NRXN3: variants seen among roughly 807,000 people sequenced by gnomAD.
NRXN3 encodes neurexin 3.
Under a neutral mutation model 137.6 loss-of-function variants are expected in NRXN3, and 32 were observed. The ratio of observed to expected loss-of-function variants is 0.23; its 90% CI spans 0.18 to 0.31. The LOEUF (loss-of-function observed/expected upper bound fraction) is 0.31. Ranked by LOEUF, NRXN3 falls within the 10% of genes least tolerant of loss-of-function variation. NRXN3 has a pLI of 1.00. For synonymous variants in NRXN3, 798 were observed against 784.5 expected (o/e 1.02, Z -0.29); for missense variants, 1,574 against 2,062.5 (o/e 0.76, Z 4.59).
chr14:78,779,844 T>C (rs932962935), intron 8 of NRXN3, among the ~76,000 whole-genome samples: 3 of 152,244 alleles, frequency 2.0e-5, no homozygotes, highest in African/African-American at 7.2e-5. Context: ...ACCATATTTA[T>C]GTATGGGTAG....
At chr14:79,405,628 G>T (rs937012055) in intron 15 of NRXN3, among the ~76,000 whole-genome samples, 1 of 152,136 alleles carries the variant, frequency 6.6e-6, no homozygotes, top group Non-Finnish European at 1.5e-5. Flanking sequence ...GAGGTTTATT[G>T]TTGAGGAAAA....
intron 17 of NRXN3, among the ~76,000 whole-genome samples, chr14:79,676,358 C>T (rs753279321): frequency 7.9e-5 from 12 of 152,022 alleles, no homozygotes; most frequent in East Asian, 3.9e-4. Context: ...TTCCCCACCA[C>T]GCCTGGTACC....
chr14:79,257,343 CTGGTGGTGGTGG>C (rs577147425), intron 15 of NRXN3, among the ~76,000 whole-genome samples: 1 of 12,704 alleles, frequency 7.9e-5, no homozygotes, highest in African/African-American at 3.3e-4. Context: ...TGTCTTATTC[CTGGTGGTGGTGG>C]TGGTGGTGGT....
chr14:78,553,059 T>A (rs924102593), intron 4 of NRXN3, among the ~76,000 whole-genome samples: 1 of 152,264 alleles, frequency 6.6e-6, no homozygotes, highest in Non-Finnish European at 1.5e-5. Context: ...CTATTTTAAT[T>A]AATCATCATA....
intron 15 of NRXN3, among the ~76,000 whole-genome samples, chr14:79,305,098 T>C (rs2085820639): frequency 6.6e-6 from 1 of 152,088 alleles, no homozygotes; most frequent in Admixed American, 6.6e-5. Context: ...TTTCTTTTTC[T>C]AGTCTCTTTG....
intron 19 of NRXN3, among the ~76,000 whole-genome samples, chr14:79,719,847 A>G (rs1289530329): frequency 2.0e-5 from 3 of 152,060 alleles, no homozygotes; most frequent in Non-Finnish European, 4.4e-5. Flanking sequence ...TGAAGATAAT[A>G]TGATCATTTC....
In NRXN3 at chr14:79,411,033, C is replaced by A. The variant is rs964510419; in HGVS notation, c.3263-56188C>A. ...CTATTAAGTGGCATGGTTCTCTAAC[C>A]CCATAGTTCATTCTCTTTTTCTGTG... On this transcript the variant is annotated intron_variant, in intron 15 of 20. Transcript: ENST00000335750. 2.6e-5 allele frequency among the ~76,000 whole-genome samples: 4 copies of A among 152,120 alleles called. 1 individual carries two copies. The South Asian group carries it at 8.3e-4, about 32-fold the overall frequency.
chr14:79,025,837 A>T (rs1410087885), intron 15 of NRXN3, among the ~76,000 whole-genome samples: 4 of 152,166 alleles, frequency 2.6e-5, no homozygotes, highest in Non-Finnish European at 4.4e-5. Flanking sequence ...TATGCTCGCC[A>T]GGGTGAGGCA....
intron 15 of NRXN3, among the ~76,000 whole-genome samples, chr14:79,272,913 C>T (rs370676832): frequency 5.4e-4 from 82 of 152,308 alleles, no homozygotes; most frequent in Admixed American, 1.8e-3. Flanking sequence ...TGGCTCACGC[C>T]TGTAATCCCA....
At chr14:78,922,396 A>G (rs1437844700) in intron 10 of NRXN3, among the ~76,000 whole-genome samples, 1 of 152,200 alleles carries the variant, frequency 6.6e-6, no homozygotes. Flanking sequence ...TAGTTTCTAA[A>G]ATATCTTTTC....
intron 3 of NRXN3, among the ~76,000 whole-genome samples, chr14:78,289,442 A>T (rs908729780): frequency 2.0e-5 from 3 of 152,170 alleles, no homozygotes; most frequent in Admixed American, 6.5e-5. Context: ...GATCATCAGA[A>T]TTCATAGAGG....
intron 6 of NRXN3, among the ~76,000 whole-genome samples, chr14:78,666,728 C>T (rs979255590): frequency 1.1e-4 from 16 of 152,142 alleles, no homozygotes; most frequent in African/African-American, 3.1e-4. Context: ...CATAGTACTT[C>T]GCCTATCATG....
chr14:78,844,257 T>C (rs992804695), intron 10 of NRXN3, among the ~76,000 whole-genome samples: 2 of 152,160 alleles, frequency 1.3e-5, no homozygotes, highest in African/African-American at 4.8e-5. Flanking sequence ...ATTTAGAACA[T>C]GCGTGGCTAA....
intron 4 of NRXN3, chr14:78,300,715 AT>A: frequency 6.8e-7 from 1 of 1,475,406 alleles, no homozygotes; most frequent in Non-Finnish European, 9.2e-7. Flanking sequence ...TATTTTTATC[AT>A]TATAACTATC....
intron 16 of NRXN3, among the ~76,000 whole-genome samples, chr14:79,542,688 G>C (rs1288851383): frequency 1.3e-5 from 2 of 152,042 alleles, no homozygotes; most frequent in African/African-American, 4.8e-5. Flanking sequence ...TATTAGAGGT[G>C]AGTCAAATGT....
At chr14:78,555,749 C>T (rs2096731429) in intron 4 of NRXN3, among the ~76,000 whole-genome samples, 1 of 152,146 alleles carries the variant, frequency 6.6e-6, no homozygotes, top group Non-Finnish European at 1.5e-5. Context: ...ACAGTAAGGG[C>T]TGGCAGTGGA....
At chr14:79,619,042 T>C (rs1194016432) in intron 16 of NRXN3, among the ~76,000 whole-genome samples, 1 of 152,168 alleles carries the variant, frequency 6.6e-6, no homozygotes, top group African/African-American at 2.4e-5. Context: ...TGCCTATTTT[T>C]AATGGAGTTA....
intron 15 of NRXN3, among the ~76,000 whole-genome samples, chr14:79,101,414 A>C (rs2051272030): frequency 6.6e-6 from 1 of 152,222 alleles, no homozygotes; most frequent in Non-Finnish European, 1.5e-5. Context: ...ATGGAGCTAT[A>C]TATGGTTCCC....
At chr14:79,569,628 TGTGAGA>T (rs1234645782) in intron 16 of NRXN3, among the ~76,000 whole-genome samples, 5 of 147,106 alleles carry the variant, frequency 3.4e-5, no homozygotes, top group Non-Finnish European at 6.0e-5. Flanking sequence ...TGTGTGTGTG[TGTGAGA>T]GAGAGAGAGA....
Sources: allele counts gnomAD v4.1 joint callset (sites outside exome capture counted in the v4.1 genomes callset), GRCh38; gene constraint gnomAD v4.1.1; transcripts MANE v1.5; gene names NCBI Gene and HGNC (gene_info 2026-07-23, HGNC 2026-07-21).